Variants in IL10RB observed in about 807,000 individuals in gnomAD.
IL10RB encodes the protein interleukin 10 receptor subunit beta, also known as interleukin-10 receptor subunit beta.
Under a neutral mutation model 38.7 loss-of-function variants are expected in IL10RB, and 30 were observed. The ratio of observed to expected loss-of-function variants is 0.78; its 90% confidence interval spans 0.58 to 1.05. IL10RB has a LOEUF of 1.05. Ranked by LOEUF, IL10RB falls within the 50% of genes least tolerant of loss-of-function variation. The pLI is 0.00. For missense variants in IL10RB, 328 were observed against 397.1 expected (o/e 0.83, Z 1.48); for synonymous variants, 142 against 145.9 (o/e 0.97, Z 0.19).
At chr21:33,284,895 T>A (rs928733993) in intron 5 of IL10RB, among the ~76,000 whole-genome samples, 1 of 152,106 alleles carries the variant, frequency 6.6e-6, no homozygotes, top group Non-Finnish European at 1.5e-5. Context: ...CAGTTTTAGT[T>A]ATTTGTTTAT....
At chr21:33,267,356 G>A (rs1988975677) in intron 1 of IL10RB, among the ~76,000 whole-genome samples, 1 of 152,024 alleles carries the variant, frequency 6.6e-6, no homozygotes, top group Non-Finnish European at 1.5e-5. Context: ...ACGGGCTATA[G>A]GCCCATGACT....
At chr21:33,276,513 C>G in intron 2 of IL10RB, 83 bp from the exon 3 acceptor site, 1 of 1,104,336 alleles carries the variant, frequency 9.1e-7, no homozygotes, top group South Asian at 1.2e-5. Context: ...CGCGCCGCCC[C>G]CCCCTCCAAA....
At chr21:33,266,881 A>G (rs1988961878) in intron 1 of IL10RB, among the ~76,000 whole-genome samples, 1 of 151,820 alleles carries the variant, frequency 6.6e-6, no homozygotes, top group African/African-American at 2.4e-5. Flanking sequence ...CCTTCTGGAG[A>G]CTATCAGTTC....
At chr21:33,302,537 A>C (rs1245862365) in intron 1 of IL10RB, among the ~76,000 whole-genome samples, 1 of 152,234 alleles carries the variant, frequency 6.6e-6, no homozygotes, top group Non-Finnish European at 1.5e-5. Flanking sequence ...TTTTCCTTCC[A>C]GAGTGTGTTT....
intron 2 of IL10RB, among the ~76,000 whole-genome samples, chr21:33,273,966 C>G (rs1177278168): frequency 6.6e-6 from 1 of 152,136 alleles, no homozygotes; most frequent in Non-Finnish European, 1.5e-5. Flanking sequence ...GTCTTGAACC[C>G]CTTAAAGTCA....
At chr21:33,303,394 G>A (rs1172802749) in intron 1 of IL10RB, among the ~76,000 whole-genome samples, 1 of 115,230 alleles carries the variant, frequency 8.7e-6, no homozygotes, top group East Asian at 2.8e-4. Context: ...TTGCTCTGTT[G>A]CCCAGGCTGG....
In IL10RB at chr21:33,276,766, G is replaced by T. The variant is rs1418415033; in HGVS notation, c.331+13G>T. ...CCTGTGGATGACAGTAAGCCATTTT[G>T]TTTTCCCTTTTTTTGTAATGTCATC... On this transcript the variant is annotated intron_variant, in intron 3 of 6. Transcript: ENST00000290200. 6 of 1,611,996 alleles carry T rather than the reference G, an allele frequency of 3.7e-6. No homozygotes were observed. The African/African-American group carries it at 8.0e-5, about 22-fold the overall frequency.
In IL10RB at chr21:33,279,803, A is replaced by T. The variant is rs773996271; in HGVS notation, c.383A>T (p.His128Leu). Reference sequence around the variant, plus strand: ...GTAGAAGTACTTGCTGATTCTTTACATATGCGTTTCTTAGCCCCTAAAATT... The same window carrying T: ...GTAGAAGTACTTGCTGATTCTTTACTTATGCGTTTCTTAGCCCCTAAAATT... ...MQVEVLADSLHMRFLAPKIEN... is the reference protein window; with the variant it reads ...MQVEVLADSLLMRFLAPKIEN... The change falls in exon 4 of 7, where the codon CAT becomes CTT. Residue 128 changes from histidine to leucine, a missense_variant. His to Leu is a moderately conservative substitution (Grantham distance 99, BLOSUM62 -3). Coordinates refer to ENST00000290200, the MANE Select transcript of IL10RB (RefSeq NM_000628.5). The T allele has an allele frequency of 3.7e-6, 6 of 1,613,872 alleles. No homozygotes were observed. Among genetic ancestry groups the T allele is most frequent in the Non-Finnish European group, 5.1e-6 (6 of 1,179,724 alleles).
chr21:33,277,940 TGG>T (rs1476037236), intron 3 of IL10RB, among the ~76,000 whole-genome samples: 1 of 148,892 alleles, frequency 6.7e-6, no homozygotes, highest in African/African-American at 2.5e-5. Context: ...CCCAAAGTGC[TGG>T]GATTACAGAC....
At chr21:33,274,815 T>C (rs1180169865) in intron 2 of IL10RB, among the ~76,000 whole-genome samples, 1 of 152,228 alleles carries the variant, frequency 6.6e-6, no homozygotes, top group Non-Finnish European at 1.5e-5. Flanking sequence ...TTCAAAATGG[T>C]AATCCAGTGT....
chr21:33,299,755 A>T (rs1259520565), downstream of IL10RB, among the ~76,000 whole-genome samples: 1 of 152,218 alleles, frequency 6.6e-6, no homozygotes, highest in Non-Finnish European at 1.5e-5. Context: ...AGCATTTTTT[A>T]AAGCTCCTAG....
intron 5 of IL10RB, 71 bp downstream of exon 5, chr21:33,283,312 C>A: frequency 6.9e-7 from 1 of 1,443,188 alleles, no homozygotes; most frequent in Non-Finnish European, 9.7e-7. Flanking sequence ...GACATGATTG[C>A]ATCCAACTCA....
At chr21:33,294,010 A>G (rs570722242) in intron 6 of IL10RB, 1 of 471,182 alleles carries the variant, frequency 2.1e-6, no homozygotes, top group Non-Finnish European at 4.4e-6. Flanking sequence ...CTTCACCATC[A>G]GAGAAACTGG....
intron 3 of IL10RB, among the ~76,000 whole-genome samples, chr21:33,277,481 A>G (rs1989193146): frequency 6.6e-6 from 1 of 151,996 alleles, no homozygotes; most frequent in Non-Finnish European, 1.5e-5. Flanking sequence ...AGTAAAGAAG[A>G]TTAGAGGTTA....
At chr21:33,280,419 A>C (rs1989259583) in intron 4 of IL10RB, among the ~76,000 whole-genome samples, 1 of 152,186 alleles carries the variant, frequency 6.6e-6, no homozygotes. Flanking sequence ...TCTTGACCCC[A>C]GCCTCCTCAA....
intron 1 of IL10RB, chr21:33,308,950 G>A (rs62227997): frequency 6.6e-6 from 1 of 152,212 alleles, no homozygotes; most frequent in Non-Finnish European, 1.5e-5. Context: ...AGTTTTCTGT[G>A]TTGTTGTGAC....
In IL10RB at chr21:33,296,168, C is replaced by G; in HGVS notation, c.805-16C>G. On this transcript the variant is annotated splice_polypyrimidine_tract_variant and intron_variant, in intron 6 of 6. Transcript: ENST00000290200. ...TGGAGAAAATTGATCATTAACTGTC[C>G]TCTTTCCCTCCACAGTTTTTGGGCC... 6.2e-7 allele frequency: 1 copy of G among 1,604,714 alleles called. No individual in the cohort carries two copies. Among genetic ancestry groups the G allele is most frequent in the Non-Finnish European group, 8.5e-7 (1 of 1,171,430 alleles).
downstream of IL10RB, among the ~76,000 whole-genome samples, chr21:33,301,543 C>G (rs749099722): frequency 2.6e-5 from 4 of 152,204 alleles, no homozygotes; most frequent in Non-Finnish European, 4.4e-5. Flanking sequence ...ACAGGAAACA[C>G]AAGCCAGCTG....
chr21:33,301,011 A>G (rs2082984585), downstream of IL10RB, among the ~76,000 whole-genome samples: 1 of 152,194 alleles, frequency 6.6e-6, no homozygotes, highest in African/African-American at 2.4e-5. Flanking sequence ...TCTTCTTAGT[A>G]TCTAAAATGG....
Sources: gnomAD v4.1 joint callset for allele counts (sites outside exome capture counted in the v4.1 genomes callset) on GRCh38, gnomAD v4.1.1 for gene constraint, MANE v1.5 for transcripts, NCBI Gene and HGNC (gene_info 2026-07-23, HGNC 2026-07-21) for gene names.